TOM1L1: variants seen among roughly 807,000 people sequenced by gnomAD.
The protein encoded by TOM1L1 is TOM1-like protein 1.
Under a neutral mutation model 63.4 loss-of-function variants are expected in TOM1L1, and 64 were observed. The observed-to-expected ratio is 1.01, with a 90% CI of 0.83 to 1.24. The LOEUF (loss-of-function observed/expected upper bound fraction) is 1.24. Among genes scored for constraint, TOM1L1 ranks in the 50% most tolerant of loss-of-function variants. The pLI is 0.00. For synonymous variants in TOM1L1, 166 were observed against 194.4 expected (o/e 0.85, Z 1.22); for missense variants, 536 against 567.0 (o/e 0.95, Z 0.55).
chr17:54,922,577 G>C (rs893372707), intron 7 of TOM1L1, among the ~76,000 whole-genome samples: 3 of 152,184 alleles, frequency 2.0e-5, no homozygotes, highest in Non-Finnish European at 2.9e-5. Flanking sequence ...TTGGGCAACA[G>C]AGTGAGACCC....
Position 54,914,719 on chromosome 17 carries a change from G to A in TOM1L1, c.579G>A (p.Ser193=), listed in dbSNP as rs61739718. The A allele has an allele frequency of 2.0e-3, 3,242 of 1,613,154 alleles. 43 individuals carry two copies. The African/African-American group carries it at 0.035, about 17-fold the overall frequency. ...CTTCTGTAATTGCTCCAAAGAACTCGACTGTTACATTGGTCCCAGAACAGG... is the reference window on the plus strand; with the variant it reads ...CTTCTGTAATTGCTCCAAAGAACTCAACTGTTACATTGGTCCCAGAACAGG... ...ALSSVIAPKN[S]TVTLVPEQIG... The change falls in exon 6 of 16, where the codon TCG becomes TCA. Residue 193 remains serine (S), a synonymous_variant. Transcript: ENST00000575882.
intron 7 of TOM1L1, chr17:54,916,164 C>G (rs2048585766): frequency 7.3e-6 from 3 of 408,342 alleles, no homozygotes; most frequent in Non-Finnish European, 1.3e-5. Flanking sequence ...TTTTCATCCA[C>G]TCAACAAACA....
chr17:54,953,490 T>A (rs2049338712), intron 14 of TOM1L1: 1 of 152,354 alleles, frequency 6.6e-6, no homozygotes, highest in Non-Finnish European at 1.5e-5. Flanking sequence ...TCCATCAGTT[T>A]CTTGTCCAGT....
At chr17:54,939,351 A>C (rs1208963912) in intron 11 of TOM1L1, among the ~76,000 whole-genome samples, 2 of 152,216 alleles carry the variant, frequency 1.3e-5, no homozygotes, top group Non-Finnish European at 2.9e-5. Flanking sequence ...CACTTGGTAC[A>C]TAGTAAGCCT....
chr17:54,912,951 G>A (rs949520236), intron 4 of TOM1L1, 136 bp downstream of exon 4: 2 of 792,172 alleles, frequency 2.5e-6, no homozygotes, highest in African/African-American at 3.6e-5. Context: ...TTTAGTTTCT[G>A]TGTAATAATA....
chr17:54,906,273 A>G (rs1314398129), intron 3 of TOM1L1, among the ~76,000 whole-genome samples: 1 of 152,196 alleles, frequency 6.6e-6, no homozygotes, highest in Non-Finnish European at 1.5e-5. Context: ...GTTCGAGACC[A>G]GCCTGACCAA....
At chr17:54,913,476 C>G (rs2048528146) in intron 4 of TOM1L1, among the ~76,000 whole-genome samples, 1 of 151,892 alleles carries the variant, frequency 6.6e-6, no homozygotes, top group African/African-American at 2.4e-5. Flanking sequence ...GCAGCCTGGC[C>G]AACATAGTGA....
At chr17:54,906,736 T>C (rs2143738442) in intron 3 of TOM1L1, 1 of 984,906 alleles carries the variant, frequency 1.0e-6, no homozygotes, top group Non-Finnish European at 1.2e-6. Context: ...TTATTTGATG[T>C]GTTCCCATTT....
chr17:54,928,309 A>G (rs1272275235), intron 7 of TOM1L1, among the ~76,000 whole-genome samples: 4 of 152,082 alleles, frequency 2.6e-5, no homozygotes, highest in Middle Eastern at 3.4e-3. Context: ...ACCATTGCCA[A>G]TTCTTACAAC....
At chr17:54,951,018 AC>A (rs772709286) in intron 14 of TOM1L1, among the ~76,000 whole-genome samples, 6 of 151,970 alleles carry the variant, frequency 3.9e-5, no homozygotes, top group Non-Finnish European at 7.4e-5. Flanking sequence ...ATAGTGTCAG[AC>A]CCCACAGGTT....
intron 3 of TOM1L1, among the ~76,000 whole-genome samples, chr17:54,912,302 C>T (rs2048509548): frequency 6.6e-6 from 1 of 152,140 alleles, no homozygotes; most frequent in Non-Finnish European, 1.5e-5. Flanking sequence ...CATTAATAAA[C>T]AGGACATTGG....
At chr17:54,904,138 C>T (rs1048372074) in intron 2 of TOM1L1, among the ~76,000 whole-genome samples, 12 of 152,032 alleles carry the variant, frequency 7.9e-5, no homozygotes, top group Non-Finnish European at 1.5e-4. Context: ...GAGGCCGAGG[C>T]GGGCGGATCA....
intron 1 of TOM1L1, 168 bp downstream of exon 1, chr17:54,901,091 G>A (rs2048319562): frequency 1.1e-6 from 1 of 894,654 alleles, no homozygotes; most frequent in Non-Finnish European, 1.7e-6. Flanking sequence ...GCCCCCTTTC[G>A]TCGTTTCCTT....
chr17:54,916,900 T>A (rs2048599489), intron 7 of TOM1L1: 1 of 152,212 alleles, frequency 6.6e-6, no homozygotes, highest in Non-Finnish European at 1.5e-5. Flanking sequence ...TAAATGCAGG[T>A]TAGTTTAGCT....
intron 6 of TOM1L1, 149 bp downstream of exon 6, chr17:54,914,892 A>G: frequency 4.4e-6 from 3 of 686,676 alleles, no homozygotes; most frequent in Non-Finnish European, 7.7e-6. Context: ...ATACTATGTG[A>G]CTTACCATAG....
intron 7 of TOM1L1, chr17:54,916,187 G>T (rs1201533820): frequency 1.6e-5 from 6 of 384,160 alleles, no homozygotes; most frequent in Non-Finnish European, 2.8e-5. Flanking sequence ...GAGTAACTGT[G>T]ATATAGGAAG....
At chr17:54,915,377 A>G (rs1172710145) in intron 6 of TOM1L1, among the ~76,000 whole-genome samples, 2 of 152,100 alleles carry the variant, frequency 1.3e-5, no homozygotes, top group Middle Eastern at 3.4e-3. Flanking sequence ...CTTTTACCCT[A>G]TTGGTTGCCA....
chr17:54,960,491 G>C, intron 14 of TOM1L1, 75 bp from the exon 15 acceptor site: 1 of 1,068,216 alleles, frequency 9.4e-7, no homozygotes, highest in Non-Finnish European at 1.5e-6. Flanking sequence ...TTTAATTACA[G>C]TGCTGGCAGT....
chr17:54,938,870 C>A, intron 10 of TOM1L1, 54 bp from the exon 11 acceptor site: 2 of 1,034,046 alleles, frequency 1.9e-6, no homozygotes, highest in Non-Finnish European at 2.9e-6. Flanking sequence ...GAAAATCCAG[C>A]ATAACTGACT....
Sources: allele counts gnomAD v4.1 joint callset (sites outside exome capture counted in the v4.1 genomes callset), GRCh38; gene constraint gnomAD v4.1.1; transcripts MANE v1.5; gene names NCBI Gene and HGNC (gene_info 2026-07-23, HGNC 2026-07-21).